Variants in SLC9B1 observed in about 807,000 individuals in gnomAD.
SLC9B1 encodes the protein solute carrier family 9 member B1.
Under a neutral mutation model 51.7 loss-of-function variants are expected in SLC9B1, and 32 were observed. The ratio of observed to expected loss-of-function variants is 0.62; its 90% CI spans 0.47 to 0.83. SLC9B1 has a LOEUF of 0.83. Among genes scored for constraint, SLC9B1 ranks in the 40% least tolerant of loss-of-function variants. SLC9B1 has a pLI of 0.00. For missense variants in SLC9B1, 406 were observed against 613.2 expected (o/e 0.66, Z 3.57); for synonymous variants, 145 against 212.7 (o/e 0.68, Z 2.77).
At chr4:102,909,449 A>G (rs1487558005) in intron 9 of SLC9B1, among the ~76,000 whole-genome samples, 1 of 152,060 alleles carries the variant, frequency 6.6e-6, no homozygotes, top group East Asian at 1.9e-4. Context: ...CTAAAAATAC[A>G]AAAATTTGCT....
At chr4:102,963,905 A>T (rs1738277699) in intron 3 of SLC9B1, among the ~76,000 whole-genome samples, 1 of 152,182 alleles carries the variant, frequency 6.6e-6, no homozygotes, top group Non-Finnish European at 1.5e-5. Flanking sequence ...CTCTAGAAAA[A>T]GATGAGTAAA....
At chr4:102,995,837 T>C (rs1009540108) in intron 1 of SLC9B1, among the ~76,000 whole-genome samples, 1 of 152,204 alleles carries the variant, frequency 6.6e-6, no homozygotes, top group Non-Finnish European at 1.5e-5. Flanking sequence ...ATCATAATAA[T>C]TAAATTATAA....
At position 102,978,844 on chromosome 4, in the gene SLC9B1, T is replaced by C. The variant is rs75119153; in HGVS notation, c.211+10956A>G. On this transcript the variant is annotated intron_variant, in intron 3 of 11. Transcript: ENST00000296422. ...TAACCAAAGGATTAAAAACGTGTTCTTATTTTTAGGATAATACTACAAAAC... is the reference window on the plus strand; with the variant it reads ...TAACCAAAGGATTAAAAACGTGTTCCTATTTTTAGGATAATACTACAAAAC... Among the ~76,000 whole-genome samples, 4 of 152,332 alleles carry C rather than the reference T, an allele frequency of 2.6e-5. No homozygotes were observed. In the East Asian group the frequency reaches 5.8e-4, roughly 22 times the overall value.
intron 7 of SLC9B1, among the ~76,000 whole-genome samples, chr4:102,917,128 C>T (rs2110438564): frequency 6.6e-6 from 1 of 152,344 alleles, no homozygotes; most frequent in South Asian, 2.1e-4. Flanking sequence ...CTTGCCCTTG[C>T]ACATCAAACT....
rs1257223749 is a variant in SLC9B1 at position 102,945,300 on chromosome 4, G to C, written c.546C>G (p.Val182=). 5.6e-6 allele frequency: 9 copies of C among 1,595,492 alleles called. No individual in the cohort carries two copies. Among genetic ancestry groups the C allele is most frequent in the African/African-American group, 1.3e-5 (1 of 74,704 alleles). ...GACCTACAGCCAATCTGAAACAAAC[G>C]ACCTTCAAATGCCTCAAAGCCTGAA... ...LDPQALRHLK[V]VCFRLAVGPC... is the part of the protein sequence containing the mutation. Residue 182 remains valine, a synonymous_variant, in exon 6 of 12, where the codon GTC becomes GTG. Transcript: ENST00000296422.
chr4:103,017,731 T>C (rs960586930), intron 1 of SLC9B1, among the ~76,000 whole-genome samples: 3 of 152,224 alleles, frequency 2.0e-5, no homozygotes, highest in African/African-American at 7.2e-5. Flanking sequence ...TGCTTACTAT[T>C]ATCCAAAATT....
At chr4:102,975,478 T>C (rs2110503809) in intron 3 of SLC9B1, among the ~76,000 whole-genome samples, 1 of 150,340 alleles carries the variant, frequency 6.7e-6, no homozygotes, top group East Asian at 1.9e-4. Context: ...TTTATCTGAA[T>C]AGTTGGTACC....
intron 7 of SLC9B1, among the ~76,000 whole-genome samples, chr4:102,913,457 C>T (rs1197551004): frequency 6.6e-6 from 1 of 152,152 alleles, no homozygotes; most frequent in Admixed American, 6.5e-5. Flanking sequence ...AACCTATAGC[C>T]ATGCTGATTC....
chr4:102,924,276 T>TGACAAACC (rs1222727189), intron 7 of SLC9B1, among the ~76,000 whole-genome samples: 1 of 151,814 alleles, frequency 6.6e-6, no homozygotes, highest in East Asian at 1.9e-4. Context: ...ATCTGATCTT[T>TGACAAACC]GACAAACCTG....
downstream of SLC9B1, among the ~76,000 whole-genome samples, chr4:102,899,411 A>T (rs889082353): frequency 4.0e-5 from 6 of 149,414 alleles, no homozygotes; most frequent in Non-Finnish European, 5.9e-5. Flanking sequence ...ATATATATAT[A>T]TTTTATTATT....
At chr4:102,923,959 A>G (rs1344310121) in intron 7 of SLC9B1, among the ~76,000 whole-genome samples, 3 of 152,264 alleles carry the variant, frequency 2.0e-5, no homozygotes, top group Non-Finnish European at 4.4e-5. Context: ...AAGAATCAAT[A>G]TTGTGAAAAT....
intron 3 of SLC9B1, among the ~76,000 whole-genome samples, chr4:102,955,841 GAGAGAAAGAAAGAAAGAAAGAA>G (rs1161813863): frequency 4.3e-5 from 6 of 138,440 alleles, no homozygotes; most frequent in African/African-American, 1.1e-4. Context: ...AAGAAAGAGA[GAGAGAAAGAAAGAAAGAAAGAA>G]AGAAAGAAAG....
At chr4:102,936,986 C>T (rs1398457843) in intron 6 of SLC9B1, among the ~76,000 whole-genome samples, 1 of 152,072 alleles carries the variant, frequency 6.6e-6, no homozygotes, top group Admixed American at 6.6e-5. Context: ...AAGAAAAAAA[C>T]ATGAAAGGCA....
intron 7 of SLC9B1, among the ~76,000 whole-genome samples, chr4:102,919,642 T>C (rs1735762922): frequency 6.6e-6 from 1 of 152,154 alleles, no homozygotes; most frequent in Non-Finnish European, 1.5e-5. Flanking sequence ...TTGGGGGATT[T>C]CCCTTTCCTA....
exon 12 of SLC9B1, chr4:102,885,073 T>C: frequency 1.4e-6 from 1 of 708,622 alleles, no homozygotes; most frequent in South Asian, 1.5e-5. Context: ...CTTTATTGTG[T>C]TATTTATTCA....
In SLC9B1 at chr4:102,920,983, C is replaced by G. The variant is rs556494980; in HGVS notation, c.830-9446G>C. ...GAGAATGGAACCAAGTTGGAAAACA[C>G]TCTTCAGGATATTATCCAGGAGAAC... On this transcript the variant is annotated intron_variant, in intron 7 of 11. Coordinates refer to ENST00000296422, the MANE Select transcript of SLC9B1 (RefSeq NM_139173.4). Among the ~76,000 whole-genome samples the G allele has an allele frequency of 2.6e-5, 4 of 152,360 alleles. No individual in the cohort carries two copies. The East Asian group carries it at 7.7e-4, about 29-fold the overall frequency.
At chr4:102,931,231 A>G (rs2110457854) in intron 7 of SLC9B1, among the ~76,000 whole-genome samples, 1 of 151,604 alleles carries the variant, frequency 6.6e-6, no homozygotes, top group African/African-American at 2.4e-5. Flanking sequence ...GCCTCAAAAA[A>G]AAAAAAAAGA....
At chr4:102,988,661 A>G in intron 3 of SLC9B1, among the ~76,000 whole-genome samples, 1 of 152,078 alleles carries the variant, frequency 6.6e-6, no homozygotes, top group East Asian at 1.9e-4. Flanking sequence ...ACAAACAGAG[A>G]GAGATTGATT....
intron 3 of SLC9B1, among the ~76,000 whole-genome samples, chr4:102,965,220 G>T (rs1738361348): frequency 6.6e-6 from 1 of 152,024 alleles, no homozygotes; most frequent in Non-Finnish European, 1.5e-5. Context: ...GAATACCTGA[G>T]ACTGTATAAA....
Sources: allele counts gnomAD v4.1 joint callset (sites outside exome capture counted in the v4.1 genomes callset), GRCh38; gene constraint gnomAD v4.1.1; transcripts MANE v1.5; gene names NCBI Gene and HGNC (gene_info 2026-07-23, HGNC 2026-07-21).